Variants in CALCRL observed in about 807,000 individuals in gnomAD.
CALCRL encodes the protein calcitonin gene-related peptide type 1 receptor.
A neutral mutation model predicts 60.4 loss-of-function variants in CALCRL; 27 were observed. That is an observed-to-expected ratio of 0.45 (90% CI 0.33 to 0.62). The LOEUF (loss-of-function observed/expected upper bound fraction) is 0.62. Among genes scored for constraint, CALCRL ranks in the 20% least tolerant of loss-of-function variants. The pLI, the probability that CALCRL is intolerant of heterozygous loss-of-function variation, is 0.03. For missense variants in CALCRL, 424 were observed against 540.7 expected (o/e 0.78, Z 2.14); for synonymous variants, 190 against 182.6 (o/e 1.04, Z -0.33).
At chr2:187,362,895 C>A (rs947648638) in intron 9 of CALCRL, among the ~76,000 whole-genome samples, 1 of 152,028 alleles carries the variant, frequency 6.6e-6, no homozygotes, top group Non-Finnish European at 1.5e-5. Flanking sequence ...TTAAAGTCAG[C>A]CTGATACAAA....
rs1391771995 is a variant in CALCRL at position 187,367,883 on chromosome 2, A to G, written c.501-4381T>C. ...TCAACATTTAAAATGCCATTTCAACATGCAATTTTGGCCAGCAGAGTTACA... is the reference window on the plus strand; with the variant it reads ...TCAACATTTAAAATGCCATTTCAACGTGCAATTTTGGCCAGCAGAGTTACA... On this transcript the variant is annotated intron_variant, in intron 8 of 14. Transcript: ENST00000392370. Among the ~76,000 whole-genome samples the G allele has an allele frequency of 2.0e-5, 3 of 152,074 alleles. No individual in the cohort carries two copies. In the South Asian group the frequency reaches 6.2e-4, roughly 31 times the overall value.
At chr2:187,408,654 T>C (rs1038058630) in intron 1 of CALCRL, among the ~76,000 whole-genome samples, 1 of 152,050 alleles carries the variant, frequency 6.6e-6, no homozygotes, top group Admixed American at 6.6e-5. Context: ...TTTTTGCTCT[T>C]GGGATAACTA....
At chr2:187,409,265 T>C (rs776034272) in intron 1 of CALCRL, among the ~76,000 whole-genome samples, 1 of 152,126 alleles carries the variant, frequency 6.6e-6, no homozygotes, top group Non-Finnish European at 1.5e-5. Flanking sequence ...ATAACCTTAG[T>C]AGGGTGTCAG....
intron 1 of CALCRL, among the ~76,000 whole-genome samples, chr2:187,400,021 G>T (rs1056289315): frequency 6.6e-6 from 1 of 151,362 alleles, no homozygotes; most frequent in South Asian, 2.1e-4. Flanking sequence ...GTAAGTTCTG[G>T]TGTTGTATAG....
chr2:187,401,755 T>C (rs1661973483), intron 1 of CALCRL, among the ~76,000 whole-genome samples: 1 of 151,666 alleles, frequency 6.6e-6, no homozygotes, highest in Admixed American at 6.6e-5. Flanking sequence ...ATTTCTGATA[T>C]TTTAATTGTG....
At chr2:187,400,582 T>C (rs983873022) in intron 1 of CALCRL, among the ~76,000 whole-genome samples, 3 of 151,206 alleles carry the variant, frequency 2.0e-5, no homozygotes, top group Admixed American at 6.6e-5. Flanking sequence ...TGCACACGAA[T>C]ATTCTTAGCA....
In CALCRL at chr2:187,359,264, G is replaced by A; in HGVS notation, c.790C>T (p.Leu264=). ...WYYFLGWGFP[L]IPACIHAIAR... ...ATGGCATGTATACAAGCAGGAATCA[G>A]TGGAAATCCTGTAATAACAAAAAAA... is the stretch of plus-strand genomic sequence containing the variant. Residue 264 remains leucine (L), a synonymous_variant, in exon 11 of 15, where the codon CTG becomes TTG. Transcript: ENST00000392370. 1.9e-6 allele frequency: 3 copies of A among 1,540,992 alleles called. No homozygotes were observed. The highest frequency in any genetic ancestry group is 1.3e-5 in the South Asian group (1 of 78,720).
At chr2:187,431,761 G>GA (rs11458479) in intron 1 of CALCRL, among the ~76,000 whole-genome samples, 148,876 of 149,432 alleles carry the variant, frequency 1, 74,164 homozygotes, top group Non-Finnish European at 1. Context: ...ATTATAAGGA[G>GA]AAAAAAAAAG....
intron 1 of CALCRL, among the ~76,000 whole-genome samples, chr2:187,399,538 T>G (rs1306703806): frequency 7.9e-5 from 12 of 151,492 alleles, no homozygotes; most frequent in Admixed American, 3.3e-4. Context: ...CAAAGTATAC[T>G]ATCAAGAAAA....
rs1175934705 is a variant in CALCRL, at chr2:187,345,233, A to G, written c.*951T>C. Reference sequence around the variant, plus strand: ...GGTTGTATGTATTTGATTTGAGACTATAAAATAAAATAATGGAGTATTTAC... The same window carrying G: ...GGTTGTATGTATTTGATTTGAGACTGTAAAATAAAATAATGGAGTATTTAC... On this transcript the variant is annotated 3_prime_UTR_variant, in exon 15 of 15. Coordinates refer to ENST00000392370, the MANE Select transcript of CALCRL (RefSeq NM_005795.6). 1.3e-5 allele frequency: 2 copies of G among 152,238 alleles called. No individual in the cohort carries two copies. Among genetic ancestry groups the G allele is most frequent in the East Asian group, 3.8e-4 (2 of 5,196 alleles). The allele number at this position is 152,238 out of a possible 1,614,324, so 9.4% of individuals were successfully genotyped here. A position where few individuals can be genotyped will look rare whatever the true frequency, so the allele number is the denominator to read the frequency against.
intron 1 of CALCRL, among the ~76,000 whole-genome samples, chr2:187,412,743 G>C (rs1242688467): frequency 6.6e-6 from 1 of 152,144 alleles, no homozygotes; most frequent in Non-Finnish European, 1.5e-5. Flanking sequence ...AGGCCTTAAG[G>C]CTTAATCTAA....
chr2:187,349,260 C>T (rs2105688903), intron 14 of CALCRL, among the ~76,000 whole-genome samples: 1 of 151,642 alleles, frequency 6.6e-6, no homozygotes, highest in East Asian at 1.9e-4. Context: ...TGAAAGTAAT[C>T]CAAGCACTTG....
intron 12 of CALCRL, among the ~76,000 whole-genome samples, chr2:187,356,493 AC>A (rs1489726748): frequency 6.6e-6 from 1 of 152,196 alleles, no homozygotes; most frequent in African/African-American, 2.4e-5. Flanking sequence ...TATACCTTAT[AC>A]AAAAAATAAC....
At chr2:187,362,186 AC>A (rs1687083711) in intron 9 of CALCRL, among the ~76,000 whole-genome samples, 1 of 152,040 alleles carries the variant, frequency 6.6e-6, no homozygotes, top group South Asian at 2.1e-4. Flanking sequence ...AAAATATATG[AC>A]AATTTATAAT....
At chr2:187,378,844 T>C (rs1687874104) in intron 8 of CALCRL, 96 bp downstream of exon 8, 1 of 669,592 alleles carries the variant, frequency 1.5e-6, no homozygotes, top group African/African-American at 1.8e-5. Flanking sequence ...TCATCTATAT[T>C]GGTATATTTT....
chr2:187,433,582 C>T (rs1159487058), intron 1 of CALCRL, among the ~76,000 whole-genome samples: 1 of 151,904 alleles, frequency 6.6e-6, no homozygotes, highest in Non-Finnish European at 1.5e-5. Context: ...CTAGAGAAAA[C>T]TCAAAAGAAA....
chr2:187,391,474 G>T (rs903509005), intron 1 of CALCRL, among the ~76,000 whole-genome samples: 2 of 152,072 alleles, frequency 1.3e-5, no homozygotes, highest in Non-Finnish European at 2.9e-5. Flanking sequence ...TTTTCCATAT[G>T]TTCCAAGGTT....
At chr2:187,393,413 A>G (rs577360524) in intron 1 of CALCRL, among the ~76,000 whole-genome samples, 2 of 152,296 alleles carry the variant, frequency 1.3e-5, no homozygotes, top group African/African-American at 4.8e-5. Context: ...AAAAGCAACT[A>G]TAAAGTATAA....
intron 3 of CALCRL, 37 bp from the exon 4 acceptor site, chr2:187,385,668 A>G (rs548868949): frequency 9.8e-7 from 1 of 1,015,634 alleles, no homozygotes; most frequent in African/African-American, 1.7e-5. Flanking sequence ...ATTCATCAAT[A>G]TTTATGAAAT....
Sources: allele counts gnomAD v4.1 joint callset (sites outside exome capture counted in the v4.1 genomes callset), GRCh38; gene constraint gnomAD v4.1.1; transcripts MANE v1.5; gene names NCBI Gene and HGNC (gene_info 2026-07-23, HGNC 2026-07-21).